The following RBFOX1 variants were observed in gnomAD, a reference collection of about 807,000 sequenced individuals.
The protein encoded by RBFOX1 is RNA binding fox-1 homolog 1, also known as RNA binding protein fox-1 homolog 1.
Under a neutral mutation model 57.7 loss-of-function variants are expected in RBFOX1, and 8 were observed. The ratio of observed to expected loss-of-function variants is 0.14; its 90% CI spans 0.08 to 0.25. The LOEUF (loss-of-function observed/expected upper bound fraction) is 0.25, where lower values mean the gene tolerates loss of function less well. Among genes scored for constraint, RBFOX1 ranks in the 10% least tolerant of loss-of-function variants. The pLI is 1.00. For synonymous variants in RBFOX1, 326 were observed against 222.4 expected (o/e 1.47, Z -4.15); for missense variants, 611 against 548.5 (o/e 1.11, Z -1.14).
chr16:5,541,690 G>A (rs890981586), intron 2 of RBFOX1, among the ~76,000 whole-genome samples: 14 of 152,110 alleles, frequency 9.2e-5, no homozygotes, highest in Admixed American at 2.6e-4. Flanking sequence ...TTAGTGATTT[G>A]GGGGCCCTAA....
chr16:5,434,905 TA>T (rs5815247), intron 1 of RBFOX1, among the ~76,000 whole-genome samples: 141,353 of 151,462 alleles, frequency 0.93, 65,885 homozygotes, highest in Middle Eastern at 0.96. Flanking sequence ...AAAGGTAAGA[TA>T]AAAAAAAAAA....
chr16:7,555,747 C>G (rs1037024363), intron 5 of RBFOX1, among the ~76,000 whole-genome samples: 2 of 152,086 alleles, frequency 1.3e-5, no homozygotes, highest in Non-Finnish European at 2.9e-5. Context: ...TCCCTGTGGC[C>G]CACTCTTCTT....
intron 3 of RBFOX1, among the ~76,000 whole-genome samples, chr16:5,724,866 G>A (rs934022777): frequency 6.6e-6 from 1 of 152,154 alleles, no homozygotes; most frequent in Admixed American, 6.5e-5. Flanking sequence ...GTTACCATGA[G>A]CCTATTTTGC....
intron 2 of RBFOX1, among the ~76,000 whole-genome samples, chr16:6,391,120 C>T (rs955615147): frequency 1.3e-5 from 2 of 152,160 alleles, no homozygotes; most frequent in Non-Finnish European, 2.9e-5. Flanking sequence ...CAAAATCTCC[C>T]TTGGTTGAAA....
At chr16:5,452,356 G>T (rs996802868) in intron 1 of RBFOX1, among the ~76,000 whole-genome samples, 11 of 151,790 alleles carry the variant, frequency 7.2e-5, no homozygotes, top group Non-Finnish European at 1.3e-4. Context: ...TGATCCACCC[G>T]CCTCGACCTC....
intron 3 of RBFOX1, among the ~76,000 whole-genome samples, chr16:5,826,154 A>T (rs1039197330): frequency 6.7e-6 from 1 of 148,414 alleles, no homozygotes; most frequent in Non-Finnish European, 1.5e-5. Context: ...ATATTATTAT[A>T]TATAACATAT....
At chr16:5,640,808 A>T (rs1401726130) in intron 3 of RBFOX1, among the ~76,000 whole-genome samples, 1 of 150,966 alleles carries the variant, frequency 6.6e-6, no homozygotes, top group Admixed American at 6.6e-5. Context: ...ACATATACAC[A>T]TGCACACCAT....
At chr16:6,660,972 G>A (rs17140868) in intron 3 of RBFOX1, among the ~76,000 whole-genome samples, 5,581 of 152,170 alleles carry the variant, frequency 0.037, 254 homozygotes, top group East Asian at 0.1. Context: ...CCAAGTCCAG[G>A]TAGGAAATAA....
At chr16:5,514,165 A>C (rs1164051718) in intron 2 of RBFOX1, among the ~76,000 whole-genome samples, 1 of 152,128 alleles carries the variant, frequency 6.6e-6, no homozygotes, top group Non-Finnish European at 1.5e-5. Flanking sequence ...ATTATCTTAC[A>C]AGTTTATGAG....
chr16:5,413,584 C>G (rs758331135), intron 1 of RBFOX1, among the ~76,000 whole-genome samples: 1 of 152,178 alleles, frequency 6.6e-6, no homozygotes, highest in South Asian at 2.1e-4. Context: ...TCCATTGTCA[C>G]GGGAGGTTCT....
intron 4 of RBFOX1, among the ~76,000 whole-genome samples, chr16:7,064,936 G>A (rs1410321396): frequency 6.6e-6 from 1 of 152,146 alleles, no homozygotes; most frequent in Non-Finnish European, 1.5e-5. Context: ...AAAAAATAGT[G>A]GACTCCCTTG....
intron 1 of RBFOX1, among the ~76,000 whole-genome samples, chr16:5,305,235 T>C (rs914797632): frequency 3.3e-5 from 5 of 152,224 alleles, no homozygotes; most frequent in Middle Eastern, 3.2e-3. Flanking sequence ...TACACTTCAT[T>C]ACATAAGCTG....
chr16:5,591,168 C>T (rs2046993776), intron 2 of RBFOX1, among the ~76,000 whole-genome samples: 1 of 151,996 alleles, frequency 6.6e-6, no homozygotes, highest in African/African-American at 2.4e-5. Flanking sequence ...CTCAATAATA[C>T]ATGCCCAGTG....
chr16:6,733,054 G>A (rs530225537), intron 3 of RBFOX1, among the ~76,000 whole-genome samples: 20 of 152,222 alleles, frequency 1.3e-4, no homozygotes, highest in African/African-American at 3.9e-4. Flanking sequence ...ATTAAGAGAC[G>A]TCAACATCTA....
intron 3 of RBFOX1, among the ~76,000 whole-genome samples, chr16:5,848,337 G>A (rs879683181): frequency 6.6e-6 from 1 of 152,146 alleles, no homozygotes; most frequent in Non-Finnish European, 1.5e-5. Context: ...CCGATGTCTT[G>A]TTTTCTGGCT....
Position 5,497,638 on chromosome 16 carries a change from A to AAAAAAAAAAAAAAAAAAAAAAT in RBFOX1, c.258+30384_258+30385insAAAAAAAAAAAAAAAAAAAAAT, listed in dbSNP as rs71142625. On this transcript the variant is annotated intron_variant, in intron 2 of 2. Coordinates refer to the RBFOX1 transcript ENST00000585867. ...CTAAAAATACAAAAAAAAAAAAAAAAGCTGGGCATGGTGGCACACACTCCC... is the reference window on the plus strand; with the variant it reads ...CTAAAAATACAAAAAAAAAAAAAAAAAAAAAAAAAAAAAAAAAAAAATGCTGGGCATGGTGGCACACACTCCC... Among the ~76,000 whole-genome samples the AAAAAAAAAAAAAAAAAAAAAAT allele has an allele frequency of 2.4e-3, 335 of 139,300 alleles. 1 individual carries two copies. Among genetic ancestry groups the AAAAAAAAAAAAAAAAAAAAAAT allele is most frequent in the South Asian group, 5.4e-3 (24 of 4,440 alleles). The allele number at this position is 139,300 out of a possible 152,430, so 91.4% of individuals were successfully genotyped here. A position where few individuals can be genotyped will look rare whatever the true frequency, so the allele number is the denominator to read the frequency against.
In RBFOX1 at chr16:6,378,523, C is replaced by T. The variant is rs140780497; in HGVS notation, c.-64+61466C>T. Among the ~76,000 whole-genome samples the T allele has an allele frequency of 9.0e-3, 1,365 of 152,310 alleles. 16 individuals carry two copies. The highest frequency in any genetic ancestry group is 0.014 in the Non-Finnish European group (955 of 68,034). On this transcript the variant is annotated intron_variant, in intron 2 of 15. Transcript: ENST00000550418. ...GCAAGAGAGTCAGAGCACACACAGCCATCTCCTGGCTGGATCATCTGGTGG... is the reference window on the plus strand; with the variant it reads ...GCAAGAGAGTCAGAGCACACACAGCTATCTCCTGGCTGGATCATCTGGTGG...
intron 3 of RBFOX1, among the ~76,000 whole-genome samples, chr16:5,697,720 G>C (rs2050893942): frequency 6.6e-6 from 1 of 151,616 alleles, no homozygotes; most frequent in African/African-American, 2.4e-5. Flanking sequence ...TTTTAGTAGA[G>C]AAGGGTTATC....
At chr16:7,228,877 G>A (rs2093317034) in intron 4 of RBFOX1, among the ~76,000 whole-genome samples, 1 of 152,168 alleles carries the variant, frequency 6.6e-6, no homozygotes, top group South Asian at 2.1e-4. Flanking sequence ...CAGATCCACA[G>A]CTTCACGTTA....
Sources: allele counts gnomAD v4.1 joint callset (sites outside exome capture counted in the v4.1 genomes callset), GRCh38; gene constraint gnomAD v4.1.1; transcripts MANE v1.5; gene names NCBI Gene and HGNC (gene_info 2026-07-23, HGNC 2026-07-21).